Variants in STARD9 observed in about 807,000 individuals in gnomAD.
The protein encoded by STARD9 is StAR related lipid transfer domain containing 9.
STARD9 carries 346 observed loss-of-function variants against 399.8 expected under a neutral mutation model. The ratio of observed to expected loss-of-function variants is 0.87; its 90% CI spans 0.79 to 0.95. The LOEUF is 0.95. Ranked by LOEUF, STARD9 falls within the 40% of genes least tolerant of loss-of-function variation. The probability of loss-of-function intolerance (pLI) is 0.00; values close to 1 mark genes in which losing one functional copy is unlikely to be tolerated. For missense variants in STARD9, 5,832 were observed against 5,667.5 expected, an observed-to-expected ratio of 1.03 and a Z score of -0.93; for synonymous variants, 2,203 against 2,143.5, an observed-to-expected ratio of 1.03 and a Z score of -0.77.
Position 42,688,888 on chromosome 15 carries a change from C to A in STARD9, c.7310C>A (p.Ser2437Ter). The change falls in exon 23 of 33, where the codon TCA (serine) becomes TAA (stop). Residue 2437 changes from serine to a stop codon, truncating the protein, a stop_gained. Transcript: ENST00000290607. LOFTEE classifies it high-confidence loss of function. The stretch of plus-strand genomic sequence containing the variant: ...CCTCTGGGGACAGAGGACAGGATCT[C>A]AGCAAGCACCAGCCCCCAAGACCAT... ...SIPLGTEDRI[S>*]ASTSPQDHGK... 1 of 1,537,324 alleles carries A rather than the reference C, an allele frequency of 6.5e-7. No individual in the cohort carries two copies. Among genetic ancestry groups the A allele is most frequent in the Non-Finnish European group, 8.7e-7 (1 of 1,146,924 alleles).
At chr15:42,665,741 G>A (rs1038727475) in intron 14 of STARD9, 45 bp from the exon 15 acceptor site, 1 of 1,513,390 alleles carries the variant, frequency 6.6e-7, no homozygotes, top group African/African-American at 1.4e-5. Flanking sequence ...CCTACCTGAA[G>A]TTCAGACCAG....
At chr15:42,636,638 G>A (rs184242110) in intron 4 of STARD9, among the ~76,000 whole-genome samples, 1 of 152,234 alleles carries the variant, frequency 6.6e-6, no homozygotes, top group African/African-American at 2.4e-5. Flanking sequence ...TGTTAGGTGG[G>A]TAACAAATAA....
intron 3 of STARD9, among the ~76,000 whole-genome samples, chr15:42,620,915 T>C (rs2059080240): frequency 6.6e-6 from 1 of 152,012 alleles, no homozygotes; most frequent in South Asian, 2.1e-4. Context: ...CCACCATGCC[T>C]GGTTAATTTT....
intron 3 of STARD9, among the ~76,000 whole-genome samples, chr15:42,611,105 A>C (rs1403104741): frequency 1.3e-5 from 2 of 152,318 alleles, no homozygotes; most frequent in East Asian, 3.9e-4. Flanking sequence ...TGGCTCTAAA[A>C]AGGACTTTTG....
rs1323470914 is a variant in STARD9, at chr15:42,686,910, G to C, written c.5332G>C (p.Glu1778Gln). The change falls in exon 23 of 33, where the codon GAA becomes CAA. Residue 1778 changes from glutamate to glutamine, a missense_variant. Glu to Gln is a conservative substitution (Grantham distance 29). Transcript: ENST00000290607. ...EVRVPSPPPR[E>Q]AWGFGHNHQA... ...AAGGGTACCCTCCCCACCCCCCAGG[G>C]AAGCCTGGGGCTTTGGTCACAACCA... The C allele has an allele frequency of 1.7e-5, 26 of 1,536,558 alleles. No homozygotes were observed. The highest frequency in any genetic ancestry group is 1.8e-5 in the Non-Finnish European group (21 of 1,146,718).
rs140924205 is a variant in STARD9, at chr15:42,685,612, T to G, written c.4034T>G (p.Ile1345Ser). The G allele has an allele frequency of 9.8e-4, 1,510 of 1,537,460 alleles. 7 individuals are homozygous for G. The African/African-American group carries it at 0.019, about 19-fold the overall frequency. ...TCCTGGTTTTCCTGTGACTCTAAGA[T>G]CAACCCCAGCAGCCCCCCAGGAATA... is the stretch of plus-strand genomic sequence containing the variant. The part of the protein sequence containing the change: ...MDSWFSCDSK[I>S]NPSSPPGIVG... The change falls in exon 23 of 33, where the codon ATC becomes AGC. Residue 1345 changes from isoleucine to serine, a missense_variant. Physicochemically the swap from Ile to Ser is moderately radical, Grantham distance 142. Coordinates refer to ENST00000290607, the MANE Select transcript of STARD9 (RefSeq NM_020759.3).
At chr15:42,660,764 A>G (rs2059979328) in intron 9 of STARD9, among the ~76,000 whole-genome samples, 1 of 152,146 alleles carries the variant, frequency 6.6e-6, no homozygotes, top group Non-Finnish European at 1.5e-5. Flanking sequence ...GGTTAGGAAG[A>G]GACCATCAGA....
chr15:42,588,233 T>C (rs1183364125), intron 3 of STARD9, among the ~76,000 whole-genome samples: 1 of 151,418 alleles, frequency 6.6e-6, no homozygotes, highest in Non-Finnish European at 1.5e-5. Flanking sequence ...TGTGTCTGTG[T>C]GTGTGTATTA....
chr15:42,687,524 A>G lies in STARD9; in HGVS notation c.5946A>G (p.Glu1982=). 6.5e-7 allele frequency: 1 copy of G among 1,537,066 alleles called. No homozygotes were observed. Among genetic ancestry groups the G allele is most frequent in the Non-Finnish European group, 8.7e-7 (1 of 1,146,880 alleles). Residue 1982 remains glutamate, a synonymous_variant, in exon 23 of 33, where the codon GAA becomes GAG. Transcript: ENST00000290607. ...GGAAAAATGAAACTGGGCTTCTTGA[A>G]AAAGGTCTTCGTCCCAAAGATAGCT... ...WEGKNETGLL[E]KGLRPKDSSE... is the part of the protein sequence containing the mutation.
chr15:42,712,127 ATAAATGTGCCTTTGCCCAT>A (rs2061252992), intron 26 of STARD9, among the ~76,000 whole-genome samples: 1 of 88,096 alleles, frequency 1.1e-5, no homozygotes, highest in African/African-American at 5.2e-5. Context: ...TAATATATAT[ATAAATGTGCCTTTGCCCAT>A]TTATATGTCT....
intron 18 of STARD9, 46 bp downstream of exon 18, chr15:42,675,010 C>T: frequency 6.8e-7 from 1 of 1,460,546 alleles, no homozygotes; most frequent in Non-Finnish European, 9.0e-7. Flanking sequence ...AGTGATGGAC[C>T]AGCTCCAGTT....
chr15:42,599,323 A>G (rs1320648241), intron 3 of STARD9, among the ~76,000 whole-genome samples: 1 of 152,190 alleles, frequency 6.6e-6, no homozygotes, highest in Non-Finnish European at 1.5e-5. Flanking sequence ...TGAAAACACC[A>G]TCTTGTTTCA....
chr15:42,703,291 C>A (rs2061005287), intron 26 of STARD9, among the ~76,000 whole-genome samples: 1 of 151,846 alleles, frequency 6.6e-6, no homozygotes, highest in South Asian at 2.1e-4. Flanking sequence ...AATAAACTTT[C>A]TACTCCCCTC....
chr15:42,663,817 C>T lies in STARD9; in HGVS notation c.1079-3C>T. On this transcript the variant is annotated splice_region_variant and splice_polypyrimidine_tract_variant and intron_variant, in intron 12 of 32. Coordinates refer to ENST00000290607, the MANE Select transcript of STARD9 (RefSeq NM_020759.3). ...GTTTTTAAACTTTCTCCTTCTACCT[C>T]AGCGGTGTCTCCTGCACACACTAGC... The T allele has an allele frequency of 1.3e-6, 2 of 1,533,812 alleles. No individual in the cohort carries two copies. Among genetic ancestry groups the T allele is most frequent in the Non-Finnish European group, 8.7e-7 (1 of 1,143,774 alleles).
At chr15:42,658,288 GGTGTGTGTGTGT>G (rs56286330) in intron 9 of STARD9, among the ~76,000 whole-genome samples, 22 of 145,956 alleles carry the variant, frequency 1.5e-4, no homozygotes, top group East Asian at 1.2e-3. Flanking sequence ...GGGACTTACA[GGTGTGTGTGTGT>G]GTGTGTGTGT....
chr15:42,688,724 C>T lies in STARD9; in HGVS notation c.7146C>T (p.Asp2382=). The change falls in exon 23 of 33, where the codon GAC becomes GAT. Residue 2382 remains aspartate (D), a synonymous_variant. Coordinates refer to ENST00000290607, the MANE Select transcript of STARD9 (RefSeq NM_020759.3). ...TGGTAACTGGAGTAGAGCATCAGGA[C>T]CAGAGTACGGAGACCAGAAGCCACA... The part of the protein sequence containing the change: ...SPLVTGVEHQ[D]QSTETRSHSP... 1 of 1,537,702 alleles carries T rather than the reference C, an allele frequency of 6.5e-7. No homozygotes were observed. Among genetic ancestry groups the T allele is most frequent in the Non-Finnish European group, 8.7e-7 (1 of 1,147,014 alleles).
chr15:42,685,995 T>C lies in STARD9; in HGVS notation c.4417T>C (p.Leu1473=). The change falls in exon 23 of 33, where the codon TTG becomes CTG. Residue 1473 remains leucine, a synonymous_variant. Transcript: ENST00000290607. ...CGTGCTGGCTGCCTCTGCCACCACC[T>C]TGACTCATGTAGGCAGCACCCATGA... The part of the protein sequence containing the change: ...SNVLAASATT[L]THVGSTHERD... The C allele has an allele frequency of 1.3e-6, 2 of 1,537,262 alleles. No individual in the cohort carries two copies. The highest frequency in any genetic ancestry group is 1.2e-5 in the South Asian group (1 of 84,060).
In STARD9 at chr15:42,686,489, G is replaced by A. The variant is rs888968977; in HGVS notation, c.4911G>A (p.Arg1637=). The part of the protein sequence containing the change: ...NNLEECLQSC[R]KPGLMTSSDE... ...TGGAAGAATGCCTTCAGAGTTGCAG[G>A]AAACCTGGACTGATGACTTCCTCTG... Residue 1637 remains arginine (R), a synonymous_variant, in exon 23 of 33, where the codon AGG becomes AGA. Coordinates refer to ENST00000290607, the MANE Select transcript of STARD9 (RefSeq NM_020759.3). 20 of 1,537,658 alleles carry A rather than the reference G, an allele frequency of 1.3e-5. No homozygotes were observed. The highest frequency in any genetic ancestry group is 2.0e-5 in the Admixed American group (1 of 50,982).
intron 26 of STARD9, among the ~76,000 whole-genome samples, chr15:42,698,609 AC>A (rs2060895195): frequency 6.6e-6 from 1 of 151,854 alleles, no homozygotes; most frequent in Non-Finnish European, 1.5e-5. Context: ...TTCTCTTTTG[AC>A]TTTGCTTATT....
Sources: allele counts gnomAD v4.1 joint callset (sites outside exome capture counted in the v4.1 genomes callset), GRCh38; gene constraint gnomAD v4.1.1; transcripts MANE v1.5; gene names NCBI Gene and HGNC (gene_info 2026-07-23, HGNC 2026-07-21).